Variants in MN1 observed in about 807,000 individuals in gnomAD.
MN1 encodes MN1 proto-oncogene, transcriptional regulator, also known as transcriptional activator MN1.
Under a neutral mutation model 86.9 loss-of-function variants are expected in MN1, and 19 were observed. The ratio of observed to expected loss-of-function variants is 0.22; its 90% CI spans 0.15 to 0.32. MN1 has a LOEUF of 0.32. Ranked by LOEUF, MN1 falls within the 10% of genes least tolerant of loss-of-function variation. The pLI, the probability that MN1 is intolerant of heterozygous loss-of-function variation, is 1.00. For missense variants in MN1, 1,841 were observed against 1,862.0 expected (o/e 0.99, Z 0.21); for synonymous variants, 928 against 849.6 (o/e 1.09, Z -1.60).
At chr22:27,784,882 CG>C (rs978707254) in intron 1 of MN1, among the ~76,000 whole-genome samples, 31 of 150,156 alleles carry the variant, frequency 2.1e-4, no homozygotes, top group African/African-American at 7.1e-4. Context: ...GGTTGTGGGT[CG>C]GGGGGAGTTG....
At chr22:27,753,107 G>A (rs1468900480) in intron 1 of MN1, among the ~76,000 whole-genome samples, 1 of 152,232 alleles carries the variant, frequency 6.6e-6, no homozygotes, top group Non-Finnish European at 1.5e-5. Context: ...CCTGCATGCT[G>A]GGAGGAGCCG....
chr22:27,796,960 C>G lies in MN1; in HGVS notation c.3584G>C (p.Gly1195Ala), dbSNP rs1270798843. The G allele has an allele frequency of 6.2e-7, 1 of 1,612,250 alleles. No homozygotes were observed. The highest frequency in any genetic ancestry group is 1.1e-5 in the South Asian group (1 of 91,046). Reference sequence around the variant, plus strand: ...GCAGCAGCTGCCCAGCTCGCTGTCGCCATTCTGCGCCCCTGAGGCCCCGAC... The same window carrying G: ...GCAGCAGCTGCCCAGCTCGCTGTCGGCATTCTGCGCCCCTGAGGCCCCGAC... ...CAVGASGAQN[G>A]DSELGSCCSE... Residue 1195 changes from glycine (G) to alanine (A), a missense_variant, in exon 1 of 2, where the codon GGC becomes GCC. Physicochemically the swap from Gly to Ala is moderately conservative, Grantham distance 60. Coordinates refer to ENST00000302326, the MANE Select transcript of MN1 (RefSeq NM_002430.3).
intron 1 of MN1, among the ~76,000 whole-genome samples, chr22:27,781,839 C>T (rs557054727): frequency 7.9e-5 from 12 of 152,256 alleles, no homozygotes; most frequent in African/African-American, 2.9e-4. Flanking sequence ...GGCAGGGACG[C>T]TCATTCACTC....
chr22:27,763,955 G>A (rs1366301592), intron 1 of MN1, among the ~76,000 whole-genome samples: 1 of 152,212 alleles, frequency 6.6e-6, no homozygotes, highest in East Asian at 1.9e-4. Context: ...TGCAGGAAGA[G>A]GAGGCGAGAG....
intron 1 of MN1, among the ~76,000 whole-genome samples, chr22:27,794,131 C>G (rs1933252137): frequency 6.6e-6 from 1 of 151,896 alleles, no homozygotes; most frequent in African/African-American, 2.4e-5. Flanking sequence ...TTTTCTGTCT[C>G]TATTTCGAAG....
At chr22:27,781,215 G>A (rs1278080076) in intron 1 of MN1, among the ~76,000 whole-genome samples, 1 of 152,206 alleles carries the variant, frequency 6.6e-6, no homozygotes, top group Non-Finnish European at 1.5e-5. Context: ...ACAAGCATGA[G>A]CTACCATGCC....
At chr22:27,796,737 T>C (rs766999288) in intron 1 of MN1, 26 bp downstream of exon 1, 2 of 1,555,646 alleles carry the variant, frequency 1.3e-6, no homozygotes, top group Non-Finnish European at 1.7e-6. Context: ...ACCCGGGAAG[T>C]GAGAGGAAAA....
At chr22:27,792,848 C>T (rs1933232222) in intron 1 of MN1, among the ~76,000 whole-genome samples, 1 of 152,148 alleles carries the variant, frequency 6.6e-6, no homozygotes, top group South Asian at 2.1e-4. Context: ...TAAAAATTCT[C>T]TCAGGAAAAC....
Position 27,800,079 on chromosome 22 carries a change from G to C in MN1, c.465C>G (p.His155Gln), listed in dbSNP as rs1343574175. 2 of 1,597,958 alleles carry C rather than the reference G, an allele frequency of 1.3e-6. No individual in the cohort carries two copies. The highest frequency in any genetic ancestry group is 1.7e-6 in the Non-Finnish European group (2 of 1,177,980). ...TCTCAGGCCCCTGGCTCTCCGCCATGTGCTCATAGCCCTCGGCGAAGGGCG... is the reference window on the plus strand; with the variant it reads ...TCTCAGGCCCCTGGCTCTCCGCCATCTGCTCATAGCCCTCGGCGAAGGGCG... ...SQPPFAEGYEHMAESQGPESF... is the reference protein window; with the variant it reads ...SQPPFAEGYEQMAESQGPESF... Residue 155 changes from histidine to glutamine, a missense_variant, in exon 1 of 2, where the codon CAC (histidine) becomes CAG (glutamine). Coordinates refer to ENST00000302326, the MANE Select transcript of MN1 (RefSeq NM_002430.3).
intron 1 of MN1, among the ~76,000 whole-genome samples, chr22:27,795,310 G>T (rs1227898665): frequency 6.6e-6 from 1 of 151,310 alleles, no homozygotes; most frequent in South Asian, 2.1e-4. Flanking sequence ...CCCGGGATGC[G>T]CGCCTTGAAA....
At chr22:27,756,101 G>A (rs1932800546) in intron 1 of MN1, among the ~76,000 whole-genome samples, 2 of 152,222 alleles carry the variant, frequency 1.3e-5, no homozygotes, top group Non-Finnish European at 2.9e-5. Context: ...CAGCCTGCAG[G>A]TGACAGTGGG....
At chr22:27,758,382 A>G (rs1737658467) in intron 1 of MN1, among the ~76,000 whole-genome samples, 1 of 152,022 alleles carries the variant, frequency 6.6e-6, no homozygotes, top group South Asian at 2.1e-4. Flanking sequence ...TTTCTCTAAC[A>G]CCCCTACTCT....
At chr22:27,796,138 C>G (rs1344000928) in intron 1 of MN1, among the ~76,000 whole-genome samples, 1 of 152,128 alleles carries the variant, frequency 6.6e-6, no homozygotes, top group Admixed American at 6.5e-5. Flanking sequence ...ACAGGTCTCC[C>G]GTTTTTCAAT....
chr22:27,798,996 G>A lies in MN1; in HGVS notation c.1548C>T (p.Ala516=), dbSNP rs774010900. 17 of 1,607,314 alleles carry A rather than the reference G, an allele frequency of 1.1e-5. No individual in the cohort carries two copies. Among genetic ancestry groups the A allele is most frequent in the African/African-American group, 1.3e-5 (1 of 74,766 alleles). ...GCTGTTGCAGGGACTGGTGGTCCGG[G>A]GCCGGATGCTGCAGGGGCGGCCCCG... ...FPSGPPLQHP[A]PDHQSLQQQQ... The change falls in exon 1 of 2, where the codon GCC becomes GCT. Residue 516 remains alanine (A), a synonymous_variant. Transcript: ENST00000302326.
At position 27,749,196 on chromosome 22, in the gene MN1, T is replaced by C; in HGVS notation, c.*1719A>G. 4.3e-6 allele frequency: 1 copy of C among 230,268 alleles called. No individual in the cohort carries two copies. The highest frequency in any genetic ancestry group is 8.6e-6 in the Non-Finnish European group (1 of 116,430). The allele number at this position is 230,268 out of a possible 1,614,324, so 14.3% of individuals were successfully genotyped here. Reference sequence around the variant, plus strand: ...AGAGGGGAGAAGGGAGGGGAAAGAGTGAGGTTTTTCTGAAAGCTCCTCTCC... The same window carrying C: ...AGAGGGGAGAAGGGAGGGGAAAGAGCGAGGTTTTTCTGAAAGCTCCTCTCC... On this transcript the variant is annotated 3_prime_UTR_variant, in exon 2 of 2. Coordinates refer to ENST00000302326, the MANE Select transcript of MN1 (RefSeq NM_002430.3).
chr22:27,771,828 G>C (rs1257893262), intron 1 of MN1, among the ~76,000 whole-genome samples: 1 of 152,158 alleles, frequency 6.6e-6, no homozygotes, highest in African/African-American at 2.4e-5. Flanking sequence ...TTAAAGACTG[G>C]AAAAACTGAG....
rs35461421 is a variant in MN1 at position 27,789,162 on chromosome 22, G to A, written c.3781+7601C>T. On this transcript the variant is annotated intron_variant, in intron 1 of 1. Transcript: ENST00000302326. ...CATGACCATGGCCATATACTTCTGA[G>A]TAACTATGCAGATTGTTTTTGAGAC... Among the ~76,000 whole-genome samples, 538 of 152,280 alleles carry A rather than the reference G, an allele frequency of 3.5e-3. 8 individuals are homozygous for A. The highest frequency in any genetic ancestry group is 2.7e-3 in the Non-Finnish European group (183 of 68,026).
intron 1 of MN1, among the ~76,000 whole-genome samples, chr22:27,774,295 T>C (rs1338632754): frequency 6.6e-6 from 1 of 152,124 alleles, no homozygotes; most frequent in African/African-American, 2.4e-5. Context: ...CACTGCCCAG[T>C]TAAAGGCAGA....
chr22:27,778,839 T>C (rs1230742969), intron 1 of MN1, among the ~76,000 whole-genome samples: 1 of 152,150 alleles, frequency 6.6e-6, no homozygotes, highest in Non-Finnish European at 1.5e-5. Context: ...CTCACTCGGG[T>C]AGGACAGTGG....
Sources: allele counts gnomAD v4.1 joint callset (sites outside exome capture counted in the v4.1 genomes callset), GRCh38; gene constraint gnomAD v4.1.1; transcripts MANE v1.5; gene names NCBI Gene and HGNC (gene_info 2026-07-23, HGNC 2026-07-21).